STIM2: variants seen among roughly 807,000 people sequenced by gnomAD.
The protein encoded by STIM2 is stromal interaction molecule 2.
In STIM2, 31 loss-of-function variants were observed where a neutral mutation model predicts 85.8. The ratio of observed to expected loss-of-function variants is 0.36; its 90% CI spans 0.27 to 0.49. The LOEUF (loss-of-function observed/expected upper bound fraction) is 0.49, where lower values mean the gene tolerates loss of function less well. STIM2 is among the 20% of genes least tolerant of loss of function. STIM2 has a pLI of 0.98. For synonymous variants in STIM2, 356 were observed against 331.1 expected, an observed-to-expected ratio of 1.08 and a Z score of -0.82; for missense variants, 841 against 927.6, an observed-to-expected ratio of 0.91 and a Z score of 1.21.
Position 26,936,072 on chromosome 4 carries a change from T to C in STIM2, c.282+16438T>C, listed in dbSNP as rs537339643. ...CTTTTTTATGTGGGGGAGGATCTTT[T>C]GGTTTTTAAAGTAAGATGGTTCTGT... On this transcript the variant is annotated intron_variant, in intron 2 of 11. Coordinates refer to ENST00000467087, the MANE Select transcript of STIM2 (RefSeq NM_020860.4). Among the ~76,000 whole-genome samples the C allele has an allele frequency of 5.3e-5, 8 of 152,322 alleles. No individual in the cohort carries two copies. In the East Asian group the frequency reaches 7.7e-4, roughly 15 times the overall value.
At chr4:26,917,870 CTCTTA>C (rs1437681924) in intron 1 of STIM2, among the ~76,000 whole-genome samples, 4 of 152,088 alleles carry the variant, frequency 2.6e-5, no homozygotes, top group African/African-American at 7.2e-5. Context: ...GGTACCTGAG[CTCTTA>C]TCTTCTATTT....
intron 1 of STIM2, among the ~76,000 whole-genome samples, chr4:26,892,606 T>C (rs1166494326): frequency 1.3e-5 from 2 of 152,188 alleles, no homozygotes; most frequent in East Asian, 3.8e-4. Flanking sequence ...GACATGCATA[T>C]GTTTTACCAA....
chr4:26,861,147 C>T lies in STIM2; in HGVS notation c.-72C>T, dbSNP rs1722161074. ...GCTGCGCTTTCACCCGGCTTCTCCT[C>T]GGCGCCTTCATCCCGCCTCGACTCC... On this transcript the variant is annotated 5_prime_UTR_variant, in exon 1 of 12. Transcript: ENST00000467087. 1 of 1,303,706 alleles carries T rather than the reference C, an allele frequency of 7.7e-7. No homozygotes were observed. Among genetic ancestry groups the T allele is most frequent in the Non-Finnish European group, 9.7e-7 (1 of 1,025,748 alleles). The allele number at this position is 1,303,706 out of a possible 1,614,324, so 80.8% of individuals were successfully genotyped here.
intron 2 of STIM2, among the ~76,000 whole-genome samples, chr4:26,949,584 A>T (rs1034307079): frequency 9.2e-5 from 14 of 152,202 alleles, no homozygotes; most frequent in Non-Finnish European, 1.8e-4. Context: ...AGAAAGTGGT[A>T]ATAACCTCTA....
intron 2 of STIM2, among the ~76,000 whole-genome samples, chr4:26,940,757 C>G (rs1232270125): frequency 1.3e-5 from 2 of 152,094 alleles, no homozygotes; most frequent in African/African-American, 4.8e-5. Flanking sequence ...TAATATTTTG[C>G]TATTCTCTCC....
chr4:26,922,632 A>G (rs1724846951), intron 2 of STIM2, among the ~76,000 whole-genome samples: 1 of 152,174 alleles, frequency 6.6e-6, no homozygotes, highest in Non-Finnish European at 1.5e-5. Flanking sequence ...TATGCCCACC[A>G]GCCTGGAAGC....
rs1381186551 is a variant in STIM2 at position 27,021,683 on chromosome 4, AG to A, written c.1764-833del. ...ATGGCTGTGTAGAGAAGTAGCTGGG[AG>A]GGAAGAATGAGAATGAAAGCAGGAA... is the stretch of plus-strand genomic sequence containing the variant. On this transcript the variant is annotated intron_variant, in intron 11 of 11. Coordinates refer to ENST00000467087, the MANE Select transcript of STIM2 (RefSeq NM_020860.4). 3 of 453,334 alleles carry A rather than the reference AG, an allele frequency of 6.6e-6. No individual in the cohort carries two copies. In the Admixed American group the frequency reaches 7.1e-5, roughly 11 times the overall value. 28.1% of individuals were successfully genotyped at this position (453,334 alleles called of 1,614,324 possible).
At chr4:26,990,932 A>G (rs190742818) in intron 3 of STIM2, among the ~76,000 whole-genome samples, 4 of 152,234 alleles carry the variant, frequency 2.6e-5, no homozygotes, top group Admixed American at 2.6e-4. Context: ...AAAAAATTAC[A>G]AATGCTGTTG....
chr4:26,891,587 ACACACACACACC>A (rs1282804849), intron 1 of STIM2, among the ~76,000 whole-genome samples: 46 of 150,456 alleles, frequency 3.1e-4, no homozygotes, highest in African/African-American at 1.1e-3. Flanking sequence ...ACACACACAC[ACACACACACACC>A]CCCTTTTGGT....
intron 3 of STIM2, among the ~76,000 whole-genome samples, chr4:26,966,509 T>C (rs774256003): frequency 6.6e-6 from 1 of 152,192 alleles, no homozygotes; most frequent in South Asian, 2.1e-4. Flanking sequence ...ACAAGTCTTA[T>C]GCTTACTTAA....
chr4:27,022,473 G>T, intron 11 of STIM2, 46 bp from the exon 12 acceptor site: 1 of 1,476,700 alleles, frequency 6.8e-7, no homozygotes, highest in South Asian at 1.3e-5. Flanking sequence ...GTACTCTTAA[G>T]AACATACTGA....
intron 11 of STIM2, chr4:27,019,651 C>G (rs1728850519): frequency 1.0e-5 from 4 of 397,652 alleles, no homozygotes; most frequent in Non-Finnish European, 1.8e-5. Context: ...CACCAGAATC[C>G]TTACAAAATA....
chr4:26,891,830 C>T (rs773926003), intron 1 of STIM2, among the ~76,000 whole-genome samples: 3 of 152,108 alleles, frequency 2.0e-5, no homozygotes, highest in Non-Finnish European at 4.4e-5. Flanking sequence ...GAAATTTCAC[C>T]GAGGTGGAAG....
chr4:26,950,592 G>C (rs1422265421), intron 2 of STIM2, among the ~76,000 whole-genome samples: 1 of 152,164 alleles, frequency 6.6e-6, no homozygotes, highest in Non-Finnish European at 1.5e-5. Context: ...ATATTAGGAT[G>C]TAGTAACAAG....
At chr4:26,903,682 G>T (rs1270211184) in intron 1 of STIM2, among the ~76,000 whole-genome samples, 1 of 152,046 alleles carries the variant, frequency 6.6e-6, no homozygotes, top group Non-Finnish European at 1.5e-5. Context: ...GGCCTGCAAA[G>T]AATACTAAGA....
At chr4:26,885,487 T>C (rs1317741424) in intron 1 of STIM2, among the ~76,000 whole-genome samples, 2 of 152,090 alleles carry the variant, frequency 1.3e-5, no homozygotes, top group African/African-American at 4.8e-5. Flanking sequence ...TATCAGCTTA[T>C]TTACTGGACA....
intron 3 of STIM2, among the ~76,000 whole-genome samples, chr4:26,990,970 A>G (rs918293653): frequency 1.3e-5 from 2 of 152,186 alleles, no homozygotes; most frequent in African/African-American, 4.8e-5. Flanking sequence ...GAACTCTTAC[A>G]TACTATTTGT....
At chr4:26,928,754 G>T (rs867216645) in intron 2 of STIM2, among the ~76,000 whole-genome samples, 1 of 152,174 alleles carries the variant, frequency 6.6e-6, no homozygotes, top group South Asian at 2.1e-4. Flanking sequence ...TTATATTTCA[G>T]TGGAAATCTT....
chr4:26,930,459 A>G (rs1354433475), intron 2 of STIM2, among the ~76,000 whole-genome samples: 1 of 131,412 alleles, frequency 7.6e-6, no homozygotes, highest in Non-Finnish European at 1.6e-5. Context: ...ACCACCTGGA[A>G]TAGGTAGTTT....
Sources: allele counts gnomAD v4.1 joint callset (sites outside exome capture counted in the v4.1 genomes callset), GRCh38; gene constraint gnomAD v4.1.1; transcripts MANE v1.5; gene names NCBI Gene and HGNC (gene_info 2026-07-23, HGNC 2026-07-21).